The following ANOS1 variants were observed in gnomAD, a reference collection of about 807,000 sequenced individuals.
ANOS1 encodes the protein anosmin-1.
ANOS1 carries 6 observed loss-of-function variants against 59.0 expected under a neutral mutation model. That is an observed-to-expected ratio of 0.10 (90% CI 0.06 to 0.20). The LOEUF (loss-of-function observed/expected upper bound fraction) is 0.20, where lower values mean the gene tolerates loss of function less well. ANOS1 is among the 10% of genes least tolerant of loss of function. The pLI, the probability that ANOS1 is intolerant of heterozygous loss-of-function variation, is 1.00. For synonymous variants in ANOS1, 217 were observed against 223.4 expected, an observed-to-expected ratio of 0.97 and a Z score of 0.25; for missense variants, 433 against 542.3, an observed-to-expected ratio of 0.80 and a Z score of 2.00.
intron 2 of ANOS1, among the ~76,000 whole-genome samples, chrX:8,670,160 G>A (rs1195501806): frequency 1.8e-5 from 2 of 110,318 alleles, no homozygotes; most frequent in Non-Finnish European, 3.8e-5. Flanking sequence ...AAATTCAGGA[G>A]TGGTTCCCCA....
chrX:8,620,377 C>G (rs1367327122), intron 3 of ANOS1, among the ~76,000 whole-genome samples: 1 of 111,932 alleles, frequency 8.9e-6, no homozygotes, highest in Non-Finnish European at 1.9e-5. Context: ...GGTAAACATA[C>G]CGGGCCGAAC....
chrX:8,674,029 T>C (rs1214887557), intron 2 of ANOS1, among the ~76,000 whole-genome samples: 1 of 111,731 alleles, frequency 9.0e-6, no homozygotes. Context: ...TGTCATCATG[T>C]TGCAAATGGC....
At chrX:8,724,948 T>A (rs1414176611) in intron 1 of ANOS1, among the ~76,000 whole-genome samples, 1 of 111,698 alleles carries the variant, frequency 9.0e-6, no homozygotes, top group Non-Finnish European at 1.9e-5. Context: ...AAACGCCATA[T>A]GTTGATAGAC....
intron 3 of ANOS1, among the ~76,000 whole-genome samples, chrX:8,599,167 G>A (rs1000212196): frequency 3.6e-5 from 4 of 112,069 alleles, no homozygotes; most frequent in Admixed American, 2.8e-4. Context: ...GTCAAGCTCC[G>A]TTTGCTACAA....
intron 2 of ANOS1, among the ~76,000 whole-genome samples, chrX:8,692,269 C>A (rs1324706511): frequency 8.9e-6 from 1 of 111,881 alleles, no homozygotes; most frequent in East Asian, 2.8e-4. Flanking sequence ...CATAGCCACT[C>A]TTCTTGGTCT....
At chrX:8,641,405 A>T (rs182757406) in intron 2 of ANOS1, among the ~76,000 whole-genome samples, 1 of 112,298 alleles carries the variant, frequency 8.9e-6, no homozygotes, top group African/African-American at 3.2e-5. Flanking sequence ...ACCATTATTT[A>T]TTTCTGTGAT....
chrX:8,575,355 TC>T (rs1486365761), intron 6 of ANOS1, among the ~76,000 whole-genome samples: 1 of 111,978 alleles, frequency 8.9e-6, no homozygotes, highest in African/African-American at 3.2e-5. Flanking sequence ...TAACAGCCGT[TC>T]GTGTTCTCGG....
chrX:8,715,121 G>A (rs754114455), intron 1 of ANOS1, among the ~76,000 whole-genome samples: 4 of 112,470 alleles, frequency 3.6e-5, no homozygotes, highest in Non-Finnish European at 7.5e-5. Flanking sequence ...TTAGAAGGAT[G>A]TCTGAAAAGT....
intron 2 of ANOS1, among the ~76,000 whole-genome samples, chrX:8,659,142 G>A (rs533105448): frequency 7.6e-4 from 84 of 110,645 alleles, no homozygotes; most frequent in African/African-American, 1.3e-3. Flanking sequence ...CAGGAGAATC[G>A]CGTGAACCCG....
At chrX:8,602,706 C>T (rs1432099755) in intron 3 of ANOS1, among the ~76,000 whole-genome samples, 7 of 110,530 alleles carry the variant, frequency 6.3e-5, no homozygotes, top group Admixed American at 1.9e-4. Flanking sequence ...ATTAATTTCA[C>T]GAATCACACA....
chrX:8,697,809 C>T (rs1183933902), intron 2 of ANOS1, among the ~76,000 whole-genome samples: 1 of 111,718 alleles, frequency 9.0e-6, no homozygotes, highest in Non-Finnish European at 1.9e-5. Context: ...GTATATGTCT[C>T]TACTGGTTTG....
chrX:8,608,724 TCATGGGGGCAGTTTCCCC>T (rs1475712758), intron 3 of ANOS1, among the ~76,000 whole-genome samples: 1 of 111,663 alleles, frequency 9.0e-6, no homozygotes, highest in African/African-American at 3.3e-5. Flanking sequence ...AGTAATTGAA[TCATGGGGGCAGTTTCCCC>T]CATGCTGTTC....
intron 9 of ANOS1, among the ~76,000 whole-genome samples, chrX:8,551,422 G>A (rs895164107): frequency 4.5e-5 from 5 of 111,778 alleles, no homozygotes; most frequent in Non-Finnish European, 9.4e-5. Flanking sequence ...GAGATCACCT[G>A]AGGTCAGGAG....
intron 6 of ANOS1, among the ~76,000 whole-genome samples, chrX:8,571,256 G>A (rs16998680): frequency 0.034 from 3,832 of 111,232 alleles, 175 homozygotes; most frequent in African/African-American, 0.12. Context: ...CAGAAGGATC[G>A]TTTTAGGCAT....
intron 2 of ANOS1, among the ~76,000 whole-genome samples, chrX:8,664,340 G>A (rs890628794): frequency 4.5e-5 from 5 of 110,341 alleles, no homozygotes; most frequent in African/African-American, 1.3e-4. Flanking sequence ...ACAGGAGTGC[G>A]CCACCACGCC....
chrX:8,691,530 CGGAT>C lies in ANOS1; in HGVS notation c.255+8164_255+8167del, dbSNP rs1308351055. Among the ~76,000 whole-genome samples, 9 of 106,391 alleles carry C rather than the reference CGGAT, an allele frequency of 8.5e-5. 1 individual carries two copies. Among genetic ancestry groups the C allele is most frequent in the Admixed American group, 9.8e-5 (1 of 10,175 alleles). 92.4% of individuals were successfully genotyped at this position (106,391 alleles called of 115,157 possible). ...ATGGATGGATGGATGGATGGATGGA[CGGAT>C]GGATGGATGGATGAATAGGGTCAAT... On this transcript the variant is annotated intron_variant, in intron 2 of 13. Coordinates refer to ENST00000262648, the MANE Select transcript of ANOS1 (RefSeq NM_000216.4).
intron 3 of ANOS1, among the ~76,000 whole-genome samples, chrX:8,602,221 T>G (rs989956583): frequency 8.9e-6 from 1 of 112,321 alleles, no homozygotes; most frequent in African/African-American, 3.2e-5. Context: ...ACATATGGTA[T>G]GTGTACATAA....
chrX:8,665,390 T>C (rs980855945), intron 2 of ANOS1, among the ~76,000 whole-genome samples: 1 of 112,413 alleles, frequency 8.9e-6, no homozygotes, highest in African/African-American at 3.2e-5. Flanking sequence ...GGTGAGATAT[T>C]GCACTCCCTA....
At chrX:8,642,626 A>G (rs1318916579) in intron 2 of ANOS1, among the ~76,000 whole-genome samples, 1 of 112,293 alleles carries the variant, frequency 8.9e-6, no homozygotes, top group Non-Finnish European at 1.9e-5. Context: ...TTCCCTGTCA[A>G]ATAGATTGTA....
Sources: gnomAD v4.1 joint callset for allele counts (sites outside exome capture counted in the v4.1 genomes callset) on GRCh38, gnomAD v4.1.1 for gene constraint, MANE v1.5 for transcripts, NCBI Gene and HGNC (gene_info 2026-07-23, HGNC 2026-07-21) for gene names.